FER: variants seen among roughly 807,000 people sequenced by gnomAD.
The protein encoded by FER is FER tyrosine kinase.
FER carries 63 observed loss-of-function variants against 111.0 expected under a neutral mutation model. That is an observed-to-expected ratio of 0.57 (90% confidence interval 0.46 to 0.70). The LOEUF is 0.70. Ranked by LOEUF, FER falls within the 30% of genes least tolerant of loss-of-function variation. The pLI is 0.00. For synonymous variants in FER, 327 were observed against 313.9 expected (o/e 1.04, Z -0.44); for missense variants, 914 against 954.0 (o/e 0.96, Z 0.55).
chr5:108,899,947 C>G (rs1749768654), intron 10 of FER, among the ~76,000 whole-genome samples: 1 of 152,182 alleles, frequency 6.6e-6, no homozygotes, highest in South Asian at 2.1e-4. Context: ...CCGGCACCTT[C>G]AAGTTCTGCT....
intron 17 of FER, among the ~76,000 whole-genome samples, chr5:109,109,736 G>A (rs967956495): frequency 1.1e-4 from 16 of 152,086 alleles, no homozygotes; most frequent in South Asian, 4.1e-4. Context: ...ATACAGAAAT[G>A]TTCCAGAAAA....
chr5:109,129,760 C>T (rs1227480648), intron 17 of FER, among the ~76,000 whole-genome samples: 2 of 151,916 alleles, frequency 1.3e-5, no homozygotes, highest in East Asian at 1.9e-4. Context: ...ATGTGTCAAA[C>T]GTCTTTAAAA....
At chr5:108,924,519 A>G in intron 10 of FER, 1 of 1,012,816 alleles carries the variant, frequency 9.9e-7, no homozygotes, top group Non-Finnish European at 1.3e-6. Context: ...GTATACTTCC[A>G]TGCCAACAGG....
chr5:108,787,775 G>A (rs1468987966), intron 2 of FER, among the ~76,000 whole-genome samples: 3 of 152,168 alleles, frequency 2.0e-5, no homozygotes, highest in African/African-American at 7.2e-5. Flanking sequence ...GCCCACTACA[G>A]GTCTCCTCCC....
intron 13 of FER, among the ~76,000 whole-genome samples, chr5:108,985,600 C>T (rs1016778811): frequency 6.6e-6 from 1 of 152,084 alleles, no homozygotes; most frequent in Non-Finnish European, 1.5e-5. Context: ...CCCACCATTT[C>T]CCACGAGTCC....
At position 108,835,795 on chromosome 5, in the gene FER, G is replaced by A; in HGVS notation, c.469G>A (p.Ala157Thr). ...TTCTGCCAAAGAGAAATATAAAGAA[G>A]CTTTAGCTAAAGGTAAGGCAAAATT... ...MNSAKEKYKE[A>T]LAKGKETEKA... is the part of the protein sequence containing the mutation. Residue 157 changes from alanine (A) to threonine (T), a missense_variant, in exon 5 of 20, where the codon GCT (alanine) becomes ACT (threonine). Ala to Thr is a moderately conservative substitution (Grantham distance 58, BLOSUM62 0). Transcript: ENST00000281092. 6.5e-7 allele frequency: 1 copy of A among 1,544,454 alleles called. No individual in the cohort carries two copies. The highest frequency in any genetic ancestry group is 1.4e-5 in the African/African-American group (1 of 70,976).
At chr5:108,796,675 C>T (rs991728095) in intron 2 of FER, among the ~76,000 whole-genome samples, 3 of 152,100 alleles carry the variant, frequency 2.0e-5, no homozygotes, top group Non-Finnish European at 4.4e-5. Context: ...ACAGGAAGTA[C>T]TGCCAGGCTA....
chr5:108,925,951 C>T (rs1753679630), intron 10 of FER, among the ~76,000 whole-genome samples: 1 of 151,938 alleles, frequency 6.6e-6, no homozygotes, highest in Admixed American at 6.6e-5. Flanking sequence ...ATTAATGACT[C>T]ACATAGCTAG....
chr5:108,890,130 A>G (rs1049531173), intron 9 of FER, among the ~76,000 whole-genome samples: 1 of 152,022 alleles, frequency 6.6e-6, no homozygotes, highest in African/African-American at 2.4e-5. Context: ...AGTAACCCCT[A>G]GAAACCATTA....
At chr5:109,144,727 A>C (rs1326063232) in intron 17 of FER, among the ~76,000 whole-genome samples, 1 of 152,092 alleles carries the variant, frequency 6.6e-6, no homozygotes, top group Non-Finnish European at 1.5e-5. Flanking sequence ...AGATGTTACC[A>C]AATGTTGTTT....
Position 109,047,140 on chromosome 5 carries a change from A to T in FER, c.1866A>T (p.Lys622Asn). ...AATATGATCATCCCAATATTGTCAA[A>T]CTTATAGGAGTTTGCACACAAAGAC... ...LKQYDHPNIV[K>N]LIGVCTQRQP... The change falls in exon 16 of 20, where the codon AAA becomes AAT. Residue 622 changes from lysine to asparagine, a missense_variant. By Grantham distance (94) the Lys-to-Asn change is moderately conservative (BLOSUM62 0). Around this residue, in one of 3 missense-constraint regions of FER, gnomAD observed 774 missense variants for 782.6 expected, o/e 0.99. Transcript: ENST00000281092. 2 of 1,607,880 alleles carry T rather than the reference A, an allele frequency of 1.2e-6. No homozygotes were observed. The highest frequency in any genetic ancestry group is 1.7e-6 in the Non-Finnish European group (2 of 1,176,654).
intron 16 of FER, among the ~76,000 whole-genome samples, chr5:109,067,597 T>G (rs1390509834): frequency 1.3e-5 from 2 of 152,148 alleles, no homozygotes; most frequent in Non-Finnish European, 2.9e-5. Context: ...ATTTAATCTA[T>G]TCTTTTAGCT....
chr5:108,964,634 C>A (rs1561687184), intron 13 of FER, among the ~76,000 whole-genome samples: 1 of 152,104 alleles, frequency 6.6e-6, no homozygotes, highest in Non-Finnish European at 1.5e-5. Flanking sequence ...TAATACATAT[C>A]ATCTTAAAAG....
intron 16 of FER, chr5:109,052,193 T>G: frequency 6.2e-7 from 1 of 1,608,226 alleles, no homozygotes. Context: ...TACAAGAGTA[T>G]GGGTACAGAC....
chr5:109,121,558 T>A (rs1459597023), intron 17 of FER, among the ~76,000 whole-genome samples: 3 of 152,144 alleles, frequency 2.0e-5, no homozygotes, highest in African/African-American at 4.8e-5. Flanking sequence ...GTTTTCTTTT[T>A]TTGATGTGTC....
At chr5:108,797,908 A>T (rs753847054) in intron 2 of FER, among the ~76,000 whole-genome samples, 3 of 151,664 alleles carry the variant, frequency 2.0e-5, no homozygotes, top group Non-Finnish European at 2.9e-5. Flanking sequence ...TGCCCCTTTT[A>T]TTTCGTTTGT....
At chr5:109,045,222 A>G (rs1053806995) in intron 15 of FER, among the ~76,000 whole-genome samples, 36 of 151,576 alleles carry the variant, frequency 2.4e-4, no homozygotes, top group African/African-American at 8.7e-4. Context: ...ATTTCTGAGA[A>G]CCTCAGATTT....
At position 108,888,475 on chromosome 5, in the gene FER, C is replaced by A. The variant is rs1434160497; in HGVS notation, c.1046+4957C>A. 2.0e-5 allele frequency among the ~76,000 whole-genome samples: 3 copies of A among 151,804 alleles called. No homozygotes were observed. In the South Asian group the frequency reaches 6.2e-4, roughly 31 times the overall value. On this transcript the variant is annotated intron_variant, in intron 9 of 19. Coordinates refer to ENST00000281092, the MANE Select transcript of FER (RefSeq NM_005246.4). ...CTTAAGAAGTACGGTCAGAGGTCTC[C>A]TAGGAGATAGGCAGAAGATAACCTG...
intron 16 of FER, among the ~76,000 whole-genome samples, chr5:109,068,471 C>A (rs889998015): frequency 6.6e-6 from 1 of 152,108 alleles, no homozygotes; most frequent in Non-Finnish European, 1.5e-5. Context: ...TGTGAGCCAC[C>A]GTGCCCGTTG....
Sources: gnomAD v4.1 joint callset for allele counts (sites outside exome capture counted in the v4.1 genomes callset) on GRCh38, gnomAD v4.1.1 for gene constraint, gnomAD v4.1.1 regional missense constraint, MANE v1.5 for transcripts, NCBI Gene and HGNC (gene_info 2026-07-23, HGNC 2026-07-21) for gene names.